Variants in KCNQ5 observed in about 807,000 individuals in gnomAD.
KCNQ5 encodes the protein potassium voltage-gated channel subfamily Q member 5, also known as potassium voltage-gated channel subfamily KQT member 5.
A neutral mutation model predicts 98.2 loss-of-function variants in KCNQ5; 30 were observed. The ratio of observed to expected loss-of-function variants is 0.31; its 90% CI spans 0.23 to 0.41. The LOEUF (loss-of-function observed/expected upper bound fraction) is 0.41. Ranked by LOEUF, KCNQ5 falls within the 10% of genes least tolerant of loss-of-function variation. The pLI, the probability that KCNQ5 is intolerant of heterozygous loss-of-function variation, is 1.00. For missense variants in KCNQ5, 835 were observed against 1,182.5 expected, an observed-to-expected ratio of 0.71 and a Z score of 4.31; for synonymous variants, 458 against 449.4, an observed-to-expected ratio of 1.02 and a Z score of -0.24.
chr6:73,190,679 T>G lies in KCNQ5; in HGVS notation c.1684T>G (p.Cys562Gly). 1 of 1,590,378 alleles carries G rather than the reference T, an allele frequency of 6.3e-7. No homozygotes were observed. The highest frequency in any genetic ancestry group is 1.3e-5 in the African/African-American group (1 of 74,508). The stretch of plus-strand genomic sequence containing the variant: ...TTCTGCTGGTCATCTGGACATGTTG[T>G]GTAGAATTAAAAGCCTTCAAACACG... ...QYSAGHLDML[C>G]RIKSLQTRVD... The change falls in exon 12 of 14, where the codon TGT (cysteine) becomes GGT (glycine). Residue 562 changes from cysteine (C) to glycine (G), a missense_variant. Cys to Gly is a radical substitution (Grantham distance 159). This residue lies in a region of KCNQ5 where 146 missense variants were observed against 256.7 expected (regional missense o/e 0.57). Coordinates refer to ENST00000370398, the MANE Select transcript of KCNQ5 (RefSeq NM_019842.4).
At chr6:72,879,054 T>C (rs925529922) in intron 1 of KCNQ5, among the ~76,000 whole-genome samples, 1 of 152,204 alleles carries the variant, frequency 6.6e-6, no homozygotes, top group Non-Finnish European at 1.5e-5. Flanking sequence ...AATTTTTGAC[T>C]ATAAGAGACA....
At chr6:72,919,319 A>G (rs1018493154) in intron 1 of KCNQ5, among the ~76,000 whole-genome samples, 1 of 152,214 alleles carries the variant, frequency 6.6e-6, no homozygotes, top group Non-Finnish European at 1.5e-5. Flanking sequence ...CAGAAACCTC[A>G]AAACATAGCT....
At chr6:73,092,254 T>A (rs369873257) in intron 5 of KCNQ5, among the ~76,000 whole-genome samples, 22 of 152,326 alleles carry the variant, frequency 1.4e-4, no homozygotes, top group African/African-American at 5.3e-4. Context: ...GCTGAATTCT[T>A]TTGCAAGTTC....
chr6:73,084,674 T>A (rs1166526610), intron 5 of KCNQ5, among the ~76,000 whole-genome samples: 1 of 152,192 alleles, frequency 6.6e-6, no homozygotes, highest in African/African-American at 2.4e-5. Context: ...TAGATGTGAT[T>A]TCCTCCAAGC....
chr6:72,724,226 C>T (rs1770139396), intron 1 of KCNQ5, among the ~76,000 whole-genome samples: 1 of 151,980 alleles, frequency 6.6e-6, no homozygotes, highest in East Asian at 1.9e-4. Flanking sequence ...GGTAGTAATA[C>T]TACTTTTGTG....
intron 1 of KCNQ5, among the ~76,000 whole-genome samples, chr6:72,765,873 G>A (rs1446075477): frequency 6.6e-6 from 1 of 151,986 alleles, no homozygotes; most frequent in East Asian, 1.9e-4. Context: ...TATTACAGAA[G>A]AGACCTAGTG....
At chr6:73,157,336 A>G (rs1777403681) in intron 10 of KCNQ5, among the ~76,000 whole-genome samples, 2 of 152,018 alleles carry the variant, frequency 1.3e-5, no homozygotes, top group Non-Finnish European at 2.9e-5. Flanking sequence ...AGGGCTGAGG[A>G]AGAGGAGGAA....
intron 1 of KCNQ5, among the ~76,000 whole-genome samples, chr6:72,676,939 CTT>C (rs1420404207): frequency 8.8e-6 from 1 of 113,300 alleles, no homozygotes; most frequent in Non-Finnish European, 1.7e-5. Context: ...TTAGTTAGTA[CTT>C]TTTTCAGCTT....
At chr6:72,650,089 G>C (rs1765802064) in intron 1 of KCNQ5, among the ~76,000 whole-genome samples, 1 of 151,976 alleles carries the variant, frequency 6.6e-6, no homozygotes, top group African/African-American at 2.4e-5. Context: ...TATAGTTATT[G>C]GTTTGATGGA....
chr6:72,929,064 C>G (rs1047707791), intron 1 of KCNQ5, among the ~76,000 whole-genome samples: 1 of 152,118 alleles, frequency 6.6e-6, no homozygotes, highest in African/African-American at 2.4e-5. Flanking sequence ...GTCCTATAAA[C>G]CATATTTTAA....
intron 1 of KCNQ5, among the ~76,000 whole-genome samples, chr6:72,953,934 G>C (rs1766925432): frequency 6.6e-6 from 1 of 152,084 alleles, no homozygotes; most frequent in South Asian, 2.1e-4. Context: ...TCATCTTTCT[G>C]CACCCCAGAT....
intron 11 of KCNQ5, among the ~76,000 whole-genome samples, chr6:73,174,324 CA>C (rs1012108726): frequency 1.3e-5 from 2 of 152,076 alleles, no homozygotes; most frequent in Non-Finnish European, 2.9e-5. Context: ...AGAACTGAAT[CA>C]AAATACTGTG....
chr6:73,119,775 A>G (rs1259608349), intron 7 of KCNQ5, among the ~76,000 whole-genome samples: 1 of 149,272 alleles, frequency 6.7e-6, no homozygotes, highest in African/African-American at 2.6e-5. Flanking sequence ...AATCTCTAGA[A>G]TGTATGCTCA....
At chr6:72,886,525 T>C (rs1778848000) in intron 1 of KCNQ5, among the ~76,000 whole-genome samples, 1 of 152,160 alleles carries the variant, frequency 6.6e-6, no homozygotes, top group African/African-American at 2.4e-5. Flanking sequence ...TATTTTAGAA[T>C]ATGATTATTA....
intron 1 of KCNQ5, chr6:72,986,171 A>C (rs1768766668): frequency 6.2e-6 from 1 of 160,500 alleles, no homozygotes; most frequent in South Asian, 2.0e-4. Context: ...CAGAAGTTGC[A>C]GTGAGCCGAG....
chr6:72,789,113 A>G (rs1043445259), intron 1 of KCNQ5, among the ~76,000 whole-genome samples: 4 of 152,106 alleles, frequency 2.6e-5, no homozygotes, highest in African/African-American at 7.2e-5. Context: ...GTTGGGAGCT[A>G]CTAATCTAAA....
intron 1 of KCNQ5, among the ~76,000 whole-genome samples, chr6:72,873,007 TGA>T (rs773392682): frequency 3.3e-5 from 5 of 152,150 alleles, no homozygotes; most frequent in Middle Eastern, 3.2e-3. Context: ...TGTCCAGAAA[TGA>T]GAGTGCTCAC....
intron 1 of KCNQ5, among the ~76,000 whole-genome samples, chr6:72,724,633 GA>G (rs140306010): frequency 0.033 from 5,066 of 152,268 alleles, 164 homozygotes; most frequent in African/African-American, 0.086. Flanking sequence ...GGATTCGTTT[GA>G]AAAAACTATA....
intron 1 of KCNQ5, among the ~76,000 whole-genome samples, chr6:72,823,415 A>G (rs1487821880): frequency 1.3e-5 from 2 of 152,152 alleles, no homozygotes; most frequent in African/African-American, 2.4e-5. Context: ...CATCCAATAC[A>G]AAAATACAAG....
Sources: gnomAD v4.1 joint callset for allele counts (sites outside exome capture counted in the v4.1 genomes callset) on GRCh38, gnomAD v4.1.1 for gene constraint, gnomAD v4.1.1 regional missense constraint, MANE v1.5 for transcripts, NCBI Gene and HGNC (gene_info 2026-07-23, HGNC 2026-07-21) for gene names.